Variants in PCDH15 observed in about 807,000 individuals in gnomAD.
The protein encoded by PCDH15 is protocadherin related 15.
A neutral mutation model predicts 178.5 loss-of-function variants in PCDH15; 129 were observed. That is an observed-to-expected ratio of 0.72 (90% CI 0.63 to 0.84). The LOEUF is 0.84. Ranked by LOEUF, PCDH15 falls within the 40% of genes least tolerant of loss-of-function variation. PCDH15 has a pLI of 0.00. For missense variants in PCDH15, 2,230 were observed against 2,099.9 expected (o/e 1.06, Z -1.21); for synonymous variants, 800 against 732.0 (o/e 1.09, Z -1.50).
At chr10:54,433,686 TA>T (rs2136033688) in intron 3 of PCDH15, among the ~76,000 whole-genome samples, 1 of 152,100 alleles carries the variant, frequency 6.6e-6, no homozygotes, top group South Asian at 2.1e-4. Flanking sequence ...TAAAAATAAC[TA>T]AAAAAGTGTA....
chr10:54,046,639 A>T (rs538024548), intron 18 of PCDH15, among the ~76,000 whole-genome samples: 132 of 152,312 alleles, frequency 8.7e-4, no homozygotes, highest in African/African-American at 2.9e-3. Context: ...GGAAATTAAC[A>T]TAGTGGTTAA....
chr10:53,992,011 C>A (rs188522616), intron 21 of PCDH15, among the ~76,000 whole-genome samples: 1 of 152,092 alleles, frequency 6.6e-6, no homozygotes, highest in African/African-American at 2.4e-5. Flanking sequence ...TGCAATAAAT[C>A]TTGCTGCTGC....
intron 1 of PCDH15, among the ~76,000 whole-genome samples, chr10:54,764,867 A>G (rs1393952888): frequency 6.6e-6 from 1 of 152,198 alleles, no homozygotes; most frequent in Non-Finnish European, 1.5e-5. Context: ...AGAGCCTGGT[A>G]AGAGGAAGAA....
intron 2 of PCDH15, among the ~76,000 whole-genome samples, chr10:55,062,533 G>A (rs1415757931): frequency 6.6e-6 from 1 of 152,186 alleles, no homozygotes; most frequent in Non-Finnish European, 1.5e-5. Context: ...TGCTGGGAAT[G>A]TCAAAACTAT....
chr10:54,687,333 C>G (rs1932599), intron 1 of PCDH15, among the ~76,000 whole-genome samples: 131,569 of 152,094 alleles, frequency 0.87, 57,567 homozygotes, highest in Middle Eastern at 0.94. Context: ...CAAAATTACA[C>G]TCTCAGATAC....
Position 54,169,280 on chromosome 10 carries a change from T to C in PCDH15, c.1590+14164A>G, listed in dbSNP as rs1188421294. On this transcript the variant is annotated intron_variant, in intron 13 of 37. Coordinates refer to ENST00000644397, the MANE Select transcript of PCDH15 (RefSeq NM_001384140.1). ...CCTAGACAATCACGGACGCCGAGCTTCGGGTAACTCTCACAGTGGAAGGTA... is the reference window on the plus strand; with the variant it reads ...CCTAGACAATCACGGACGCCGAGCTCCGGGTAACTCTCACAGTGGAAGGTA... Among the ~76,000 whole-genome samples, 2 of 58,812 alleles carry C rather than the reference T, an allele frequency of 3.4e-5. 1 individual carries two copies. The highest frequency in any genetic ancestry group is 7.8e-4 in the South Asian group (2 of 2,568). 38.6% of individuals were successfully genotyped at this position (58,812 alleles called of 152,430 possible).
chr10:55,432,845 C>A (rs1183813584), intron 2 of PCDH15, among the ~76,000 whole-genome samples: 2 of 151,642 alleles, frequency 1.3e-5, no homozygotes, highest in East Asian at 3.9e-4. Flanking sequence ...AGGATGCTCT[C>A]GATCTCCTGA....
At chr10:55,454,009 A>G (rs1839492752) in intron 2 of PCDH15, among the ~76,000 whole-genome samples, 1 of 152,148 alleles carries the variant, frequency 6.6e-6, no homozygotes, top group Non-Finnish European at 1.5e-5. Context: ...ATAAAACACC[A>G]GAGAAGAGAA....
intron 2 of PCDH15, among the ~76,000 whole-genome samples, chr10:55,623,473 T>C (rs1159505500): frequency 6.6e-6 from 1 of 152,064 alleles, no homozygotes; most frequent in African/African-American, 2.4e-5. Context: ...TGAATGGATT[T>C]TTTTGGGTAG....
intron 21 of PCDH15, chr10:53,994,543 T>C (rs1457219294): frequency 2.0e-5 from 3 of 152,180 alleles, no homozygotes; most frequent in Admixed American, 2.0e-4. Context: ...TAATTGTACA[T>C]GTTACAATGT....
At chr10:55,554,907 G>A (rs531913089) in intron 2 of PCDH15, among the ~76,000 whole-genome samples, 62 of 152,020 alleles carry the variant, frequency 4.1e-4, no homozygotes, top group Admixed American at 1.6e-3. Flanking sequence ...GAGGCATACT[G>A]GCCAGGTATG....
chr10:54,754,066 G>A (rs1814067418), intron 1 of PCDH15, among the ~76,000 whole-genome samples: 1 of 151,284 alleles, frequency 6.6e-6, no homozygotes, highest in South Asian at 2.1e-4. Context: ...CTGACCTCGT[G>A]ATCCACCCGT....
intron 1 of PCDH15, among the ~76,000 whole-genome samples, chr10:54,775,317 A>G (rs764147774): frequency 2.6e-5 from 4 of 152,200 alleles, no homozygotes; most frequent in Non-Finnish European, 5.9e-5. Flanking sequence ...ATACAATGAA[A>G]TTGCTTGATC....
chr10:54,920,263 G>A (rs1837449904), intron 2 of PCDH15, among the ~76,000 whole-genome samples: 3 of 152,050 alleles, frequency 2.0e-5, no homozygotes, highest in Non-Finnish European at 4.4e-5. Context: ...TAGGTCAGGA[G>A]ATCGAGACCA....
chr10:55,037,265 G>A (rs1365180307), intron 2 of PCDH15, among the ~76,000 whole-genome samples: 3 of 151,658 alleles, frequency 2.0e-5, no homozygotes, highest in African/African-American at 4.8e-5. Flanking sequence ...ACGGAGTCTC[G>A]CTCTGTTGCC....
rs187806474 is a variant in PCDH15 at position 54,267,609 on chromosome 10, T to C, written c.877-30678A>G. Among the ~76,000 whole-genome samples, 49 of 151,932 alleles carry C rather than the reference T, an allele frequency of 3.2e-4. No homozygotes were observed. The East Asian group carries it at 9.3e-3, about 29-fold the overall frequency. On this transcript the variant is annotated intron_variant, in intron 8 of 37. Transcript: ENST00000644397. The stretch of plus-strand genomic sequence containing the variant: ...TAGGCAATCAACATACAAAAAGCAG[T>C]AGTATTTCTATACAATGCAATGTTC...
At chr10:54,777,357 G>A (rs1013855093) in intron 1 of PCDH15, among the ~76,000 whole-genome samples, 1 of 152,168 alleles carries the variant, frequency 6.6e-6, no homozygotes, top group Non-Finnish European at 1.5e-5. Context: ...CTAAAAATGA[G>A]TTGACGTTTA....
intron 1 of PCDH15, among the ~76,000 whole-genome samples, chr10:55,271,203 G>A (rs1252397768): frequency 6.6e-6 from 1 of 151,878 alleles, no homozygotes; most frequent in African/African-American, 2.4e-5. Context: ...ATACCTGGAT[G>A]CAATATATCC....
chr10:54,584,058 C>T (rs970817805), intron 2 of PCDH15, among the ~76,000 whole-genome samples: 54 of 151,948 alleles, frequency 3.6e-4, no homozygotes, highest in Admixed American at 1.9e-3. Flanking sequence ...TTACTTTTAA[C>T]GGCAGAACAT....
Sources: gnomAD v4.1 joint callset for allele counts (sites outside exome capture counted in the v4.1 genomes callset) on GRCh38, gnomAD v4.1.1 for gene constraint, MANE v1.5 for transcripts, NCBI Gene and HGNC (gene_info 2026-07-23, HGNC 2026-07-21) for gene names.